EPHB3: variants seen among roughly 807,000 people sequenced by gnomAD.
EPHB3 encodes ephrin type-B receptor 3.
EPHB3 carries 33 observed loss-of-function variants against 100.2 expected under a neutral mutation model. The observed-to-expected ratio is 0.33, with a 90% CI of 0.25 to 0.44. The LOEUF (loss-of-function observed/expected upper bound fraction) is 0.44, where lower values mean the gene tolerates loss of function less well. Among genes scored for constraint, EPHB3 ranks in the 20% least tolerant of loss-of-function variants. The probability of loss-of-function intolerance (pLI) is 1.00; values close to 1 mark genes in which losing one functional copy is unlikely to be tolerated. For missense variants in EPHB3, 1,045 were observed against 1,378.3 expected, an observed-to-expected ratio of 0.76 and a Z score of 3.83; for synonymous variants, 526 against 554.7, an observed-to-expected ratio of 0.95 and a Z score of 0.73.
chr3:184,579,493 G>A lies in EPHB3; in HGVS notation c.1818G>A (p.Lys606=), dbSNP rs917791509. The A allele has an allele frequency of 6.2e-6, 10 of 1,613,942 alleles. No homozygotes were observed. The highest frequency in any genetic ancestry group is 8.5e-6 in the Non-Finnish European group (10 of 1,179,930). ...KLQQYIAPGM[K]VYIDPFTYED... is the part of the protein sequence containing the mutation. ...TCCCTCCAGTTGCTCCTGGAATGAA[G>A]GTTTATATTGACCCTTTTACCTACG... Residue 606 remains lysine, a synonymous_variant, in exon 10 of 16, where the codon AAG becomes AAA. Coordinates refer to ENST00000330394, the MANE Select transcript of EPHB3 (RefSeq NM_004443.4). The surrounding 1 kb of genome is among the most constrained non-coding windows in gnomAD (Gnocchi z 5.2).
At chr3:184,564,816 G>A (rs554930344) in intron 1 of EPHB3, among the ~76,000 whole-genome samples, 5 of 152,216 alleles carry the variant, frequency 3.3e-5, no homozygotes, top group African/African-American at 1.2e-4. Flanking sequence ...GGTGGACTTC[G>A]AGGTCCTGGG....
Position 184,578,410 on chromosome 3 carries a change from A to G in EPHB3, c.1749-4A>G. 2 of 1,613,880 alleles carry G rather than the reference A, an allele frequency of 1.2e-6. No individual in the cohort carries two copies. Among genetic ancestry groups the G allele is most frequent in the South Asian group, 2.2e-5 (2 of 91,056 alleles). ...GGCCTGCCCTCCACCCTGCCACCCT[A>G]CAGGAAGCAGCGACACGGCTCTGAT... On this transcript the variant is annotated splice_polypyrimidine_tract_variant and splice_region_variant and intron_variant, in intron 8 of 15. Transcript: ENST00000330394. The surrounding 1 kb of genome is among the most constrained non-coding windows in gnomAD (Gnocchi z 4.7).
At position 184,580,518 on chromosome 3, in the gene EPHB3, C is replaced by T; in HGVS notation, c.2289C>T (p.Asn763=). The change falls in exon 12 of 16, where the codon AAC becomes AAT. Residue 763 remains asparagine (N), a synonymous_variant. Transcript: ENST00000330394. ...TGCACCGCGACCTGGCTGCTCGCAA[C>T]ATCCTTGTCAACAGCAACCTGGTCT... ...NYVHRDLAAR[N]ILVNSNLVCK... 6.2e-7 allele frequency: 1 copy of T among 1,614,240 alleles called. No individual in the cohort carries two copies. Among genetic ancestry groups the T allele is most frequent in the Non-Finnish European group, 8.5e-7 (1 of 1,180,038 alleles).
At chr3:184,566,264 G>A (rs904605092) in intron 1 of EPHB3, among the ~76,000 whole-genome samples, 1 of 152,224 alleles carries the variant, frequency 6.6e-6, no homozygotes, top group East Asian at 1.9e-4. Context: ...TGGGGGCATG[G>A]ATGAGCACCG....
chr3:184,575,278 C>T, intron 3 of EPHB3: 1 of 970,898 alleles, frequency 1.0e-6, no homozygotes, highest in Non-Finnish European at 1.2e-6. Context: ...TTCTCTCCTC[C>T]TCTCACCCGT....
chr3:184,579,010 G>A lies in EPHB3; in HGVS notation c.1802-467G>A, dbSNP rs1029938173. Among the ~76,000 whole-genome samples the A allele has an allele frequency of 1.3e-5, 2 of 152,144 alleles. No homozygotes were observed. Among genetic ancestry groups the A allele is most frequent in the Admixed American group, 6.6e-5 (1 of 15,266 alleles). ...GGCTGGGTAGCTGTGGCCAGCCCTC[G>A]GAGGGTCCTGAAAGGCAGGCAGAGG... On this transcript the variant is annotated intron_variant, in intron 9 of 15. Transcript: ENST00000330394. This position sits in a 1 kb window ranked among gnomAD's most constrained non-coding sequence, Gnocchi z 5.2.
intron 3 of EPHB3, chr3:184,575,241 T>G: frequency 1.0e-6 from 1 of 985,280 alleles, no homozygotes; most frequent in South Asian, 4.7e-5. Context: ...GAACTCCAGG[T>G]GACCCCAGCC....
At chr3:184,570,609 C>T (rs1360225757) in intron 1 of EPHB3, among the ~76,000 whole-genome samples, 8 of 152,356 alleles carry the variant, frequency 5.3e-5, no homozygotes, top group African/African-American at 7.2e-5. Context: ...TTCCCCTGGG[C>T]CTTGTGTGGG....
Position 184,580,415 on chromosome 3 carries a change from A to C in EPHB3, c.2186A>C (p.Gln729Pro), listed in dbSNP as rs1326494826. ...LDSFLRLNDGQFTVIQLVGML... is the reference protein window; with the variant it reads ...LDSFLRLNDGPFTVIQLVGML... ...TGTTGCCTGCAGCTCAACGATGGGC[A>C]GTTCACGGTCATCCAGCTGGTGGGC... is the stretch of plus-strand genomic sequence containing the variant. The change falls in exon 12 of 16, where the codon CAG becomes CCG. Residue 729 changes from glutamine (Q) to proline (P), a missense_variant. Gln to Pro is a moderately conservative substitution (Grantham distance 76). This residue lies in a region of EPHB3 where 985 missense variants were observed against 1,331.1 expected (regional missense o/e 0.74). Transcript: ENST00000330394. 1 of 1,614,092 alleles carries C rather than the reference A, an allele frequency of 6.2e-7. No homozygotes were observed. The highest frequency in any genetic ancestry group is 1.3e-5 in the African/African-American group (1 of 74,944).
At position 184,579,951 on chromosome 3, in the gene EPHB3, A is replaced by G. The variant is rs1342193133; in HGVS notation, c.2172+17A>G. On this transcript the variant is annotated intron_variant, in intron 11 of 15. Coordinates refer to ENST00000330394, the MANE Select transcript of EPHB3 (RefSeq NM_004443.4). This position sits in a 1 kb window ranked among gnomAD's most constrained non-coding sequence, Gnocchi z 5.2. Reference sequence around the variant, plus strand: ...TTCCTCCGGGTAAGAGCCAGCCCCCAGGCCCTCTCCCTCCCCCAGAGAGTT... The same window carrying G: ...TTCCTCCGGGTAAGAGCCAGCCCCCGGGCCCTCTCCCTCCCCCAGAGAGTT... 3 of 1,607,744 alleles carry G rather than the reference A, an allele frequency of 1.9e-6. No homozygotes were observed. The highest frequency in any genetic ancestry group is 1.7e-5 in the Admixed American group (1 of 59,534).
At position 184,573,720 on chromosome 3, in the gene EPHB3, T is replaced by C. The variant is rs9812234; in HGVS notation, c.856+544T>C. 2.0e-4 allele frequency among the ~76,000 whole-genome samples: 25 copies of C among 125,708 alleles called. No individual in the cohort carries two copies. Among genetic ancestry groups the C allele is most frequent in the Non-Finnish European group, 3.5e-4 (19 of 54,590 alleles). The allele number at this position is 125,708 out of a possible 152,430, so 82.5% of individuals were successfully genotyped here. On this transcript the variant is annotated intron_variant, in intron 3 of 15. Transcript: ENST00000330394. The surrounding 1 kb of genome is among the most constrained non-coding windows in gnomAD (Gnocchi z 4.5). Reference sequence around the variant, plus strand: ...TACGTGACCTTGGGCAAGTTACTTTTTTTTTTTTTTTTTTGAGATGGAGTT... The same window carrying C: ...TACGTGACCTTGGGCAAGTTACTTTCTTTTTTTTTTTTTTGAGATGGAGTT...
At chr3:184,566,217 A>C (rs1347839060) in intron 1 of EPHB3, among the ~76,000 whole-genome samples, 1 of 152,136 alleles carries the variant, frequency 6.6e-6, no homozygotes, top group Admixed American at 6.5e-5. Flanking sequence ...CTAGCTGTCC[A>C]CCCGTCCTTC....
At position 184,572,572 on chromosome 3, in the gene EPHB3, C is replaced by T. The variant is rs140877750; in HGVS notation, c.252C>T (p.Arg84=). ...GCACATACCAGGTGTGTAATGTGCG[C>T]GAGTCAAGCCAGAACAACTGGCTTC... ...PIRTYQVCNV[R]ESSQNNWLRT... The change falls in exon 3 of 16, where the codon CGC becomes CGT. Residue 84 remains arginine, a synonymous_variant. Transcript: ENST00000330394. The surrounding 1 kb of genome is among the most constrained non-coding windows in gnomAD (Gnocchi z 6.6). 118 of 1,545,410 alleles carry T rather than the reference C, an allele frequency of 7.6e-5. No homozygotes were observed. The highest frequency in any genetic ancestry group is 4.9e-4 in the Admixed American group (24 of 48,744).
At position 184,563,849 on chromosome 3, in the gene EPHB3, C is replaced by T. The variant is rs889173858; in HGVS notation, c.118+1496C>T. ...GAGAGGCGACACTGGTACACACACA[C>T]TCATACACTTACGGGGCTATGTGTC... On this transcript the variant is annotated intron_variant, in intron 1 of 15. Transcript: ENST00000330394. The surrounding 1 kb of genome is among the most constrained non-coding windows in gnomAD (Gnocchi z 4.1). Among the ~76,000 whole-genome samples the T allele has an allele frequency of 6.6e-6, 1 of 152,248 alleles. No individual in the cohort carries two copies. Among genetic ancestry groups the T allele is most frequent in the East Asian group, 1.9e-4 (1 of 5,202 alleles).
rs763505156 is a variant in EPHB3, at chr3:184,577,085, C to T, written c.1256C>T (p.Thr419Met). ...CACATCAGCCATCTGCTGGCCCACA[C>T]GCGCTACACCTTTGAGGTGCAGGCG... ...RVHISHLLAH[T>M]RYTFEVQAVN... The change falls in exon 5 of 16, where the codon ACG (threonine) becomes ATG (methionine). Residue 419 changes from threonine (T) to methionine (M), a missense_variant. Thr to Met is a moderately conservative substitution (Grantham distance 81, BLOSUM62 -1). Coordinates refer to ENST00000330394, the MANE Select transcript of EPHB3 (RefSeq NM_004443.4). The surrounding 1 kb of genome is among the most constrained non-coding windows in gnomAD (Gnocchi z 4.9). The T allele has an allele frequency of 4.3e-6, 7 of 1,613,546 alleles. No individual in the cohort carries two copies. Among genetic ancestry groups the T allele is most frequent in the South Asian group, 3.3e-5 (3 of 91,082 alleles).
Position 184,572,868 on chromosome 3 carries a change from C to T in EPHB3, c.548C>T (p.Pro183Leu). 3 of 1,562,496 alleles carry T rather than the reference C, an allele frequency of 1.9e-6. No individual in the cohort carries two copies. Among genetic ancestry groups the T allele is most frequent in the East Asian group, 2.3e-5 (1 of 44,412 alleles). The change falls in exon 3 of 16, where the codon CCA (proline) becomes CTA (leucine). Residue 183 changes from proline to leucine, a missense_variant. By Grantham distance (98) the Pro-to-Leu change is moderately conservative. Around this residue, in one of 2 missense-constraint regions of EPHB3, gnomAD observed 985 missense variants for 1,331.1 expected, o/e 0.74. Transcript: ENST00000330394. This position sits in a 1 kb window ranked among gnomAD's most constrained non-coding sequence, Gnocchi z 6.6. The part of the protein sequence containing the change: ...RVNTKVRSFG[P>L]LSKAGFYLAF... ...AACACCAAGGTGCGCAGCTTTGGGC[C>T]ACTTTCCAAGGCTGGCTTCTACCTG...
At position 184,572,983 on chromosome 3, in the gene EPHB3, C is replaced by G. The variant is rs1714578969; in HGVS notation, c.663C>G (p.Leu221=). The change falls in exon 3 of 16, where the codon CTC becomes CTG. Residue 221 remains leucine (L), a synonymous_variant. Coordinates refer to ENST00000330394, the MANE Select transcript of EPHB3 (RefSeq NM_004443.4). This position sits in a 1 kb window ranked among gnomAD's most constrained non-coding sequence, Gnocchi z 6.6. The stretch of plus-strand genomic sequence containing the variant: ...CATCCACCACCGCAGGCTTCGCACT[C>G]TTCCCCGAGACCCTCACTGGGGCGG... The part of the protein sequence containing the change: ...KCASTTAGFA[L]FPETLTGAEP... 2 of 1,606,624 alleles carry G rather than the reference C, an allele frequency of 1.2e-6. No individual in the cohort carries two copies. The highest frequency in any genetic ancestry group is 2.7e-5 in the African/African-American group (2 of 74,854).
chr3:184,564,150 C>T (rs543239152), intron 1 of EPHB3, among the ~76,000 whole-genome samples: 5 of 152,312 alleles, frequency 3.3e-5, no homozygotes, highest in East Asian at 1.9e-4. Flanking sequence ...TGGGGCGGCC[C>T]GGGAAGAGGG....
At chr3:184,568,113 C>T (rs1438606937) in intron 1 of EPHB3, among the ~76,000 whole-genome samples, 1 of 152,058 alleles carries the variant, frequency 6.6e-6, no homozygotes, top group Non-Finnish European at 1.5e-5. Context: ...CTGGATGCTG[C>T]GCGTGCATCT....
Sources: gnomAD v4.1 joint callset for allele counts (sites outside exome capture counted in the v4.1 genomes callset) on GRCh38, gnomAD v4.1.1 for gene constraint, gnomAD v4.1.1 regional missense constraint, Gnocchi (gnomAD v3.1) non-coding constraint, MANE v1.5 for transcripts, NCBI Gene and HGNC (gene_info 2026-07-23, HGNC 2026-07-21) for gene names.